The following FOXP1 variants were observed in gnomAD, a reference collection of about 807,000 sequenced individuals.
The protein encoded by FOXP1 is forkhead box P1, also known as forkhead box protein P1.
A neutral mutation model predicts 98.2 loss-of-function variants in FOXP1; 15 were observed. That is an observed-to-expected ratio of 0.15 (90% CI 0.10 to 0.24). The LOEUF is 0.24. FOXP1 is among the 10% of genes least tolerant of loss of function. The pLI is 1.00. For synonymous variants in FOXP1, 371 were observed against 314.5 expected (o/e 1.18, Z -1.90); for missense variants, 633 against 848.5 (o/e 0.75, Z 3.15).
intron 5 of FOXP1, among the ~76,000 whole-genome samples, chr3:71,202,420 A>G (rs2063734544): frequency 6.6e-6 from 1 of 152,218 alleles, no homozygotes. Context: ...CATTTCTAAC[A>G]GTGTCTGGGC....
intron 3 of FOXP1, among the ~76,000 whole-genome samples, chr3:71,479,937 C>T (rs1341352402): frequency 3.9e-5 from 6 of 152,178 alleles, no homozygotes; most frequent in Non-Finnish European, 8.8e-5. Flanking sequence ...GTGGCTCACG[C>T]CTGTAATCCC....
At chr3:70,976,881 A>AACAACAAACTGTTCTAT in intron 17 of FOXP1, 60 bp downstream of exon 17, 2 of 1,257,136 alleles carry the variant, frequency 1.6e-6, no homozygotes, top group Admixed American at 1.7e-5. Flanking sequence ...GCATTTTATC[A>AACAACAAACTGTTCTAT]ACAACAAACT....
chr3:71,059,539 A>G (rs2051179700), intron 7 of FOXP1, among the ~76,000 whole-genome samples: 1 of 152,206 alleles, frequency 6.6e-6, no homozygotes, highest in Admixed American at 6.5e-5. Context: ...GAAACAATGG[A>G]AGCTACACAT....
chr3:71,353,671 A>G (rs2077950668), intron 4 of FOXP1, among the ~76,000 whole-genome samples: 2 of 152,216 alleles, frequency 1.3e-5, no homozygotes, highest in Admixed American at 1.3e-4. Context: ...AGATAACCCT[A>G]GTTACTCCAT....
At chr3:71,582,114 T>C in intron 1 of FOXP1, 1 of 867,714 alleles carries the variant, frequency 1.2e-6, no homozygotes, top group African/African-American at 2.7e-5. Flanking sequence ...AGCAAACACA[T>C]GGGAGGGGGG....
intron 2 of FOXP1, among the ~76,000 whole-genome samples, chr3:71,545,512 T>C (rs541963392): frequency 1.1e-4 from 16 of 152,352 alleles, no homozygotes; most frequent in Middle Eastern, 3.4e-3. Flanking sequence ...GGGTTTTGTT[T>C]GTTTTTAAAA....
At chr3:71,425,030 A>G (rs148997637) in intron 3 of FOXP1, among the ~76,000 whole-genome samples, 1 of 152,368 alleles carries the variant, frequency 6.6e-6, no homozygotes, top group African/African-American at 2.4e-5. Context: ...ATTTGTATTC[A>G]TATACTGGAA....
chr3:71,034,146 G>A (rs967478605), intron 11 of FOXP1, among the ~76,000 whole-genome samples: 3 of 152,274 alleles, frequency 2.0e-5, no homozygotes, highest in Non-Finnish European at 2.9e-5. Context: ...AAAAGATGAG[G>A]TGGGTGCAAA....
intron 7 of FOXP1, among the ~76,000 whole-genome samples, chr3:71,055,763 G>A (rs1004858016): frequency 1.3e-5 from 2 of 152,184 alleles, no homozygotes; most frequent in Admixed American, 6.5e-5. Context: ...TTTTCCTTGA[G>A]AGTTGCATCA....
intron 11 of FOXP1, among the ~76,000 whole-genome samples, chr3:71,024,668 AC>A: frequency 6.6e-6 from 1 of 152,202 alleles, no homozygotes; most frequent in East Asian, 1.9e-4. Flanking sequence ...CCCATGTGAT[AC>A]GATATTCATG....
At chr3:71,176,920 G>A (rs1322842579) in intron 6 of FOXP1, among the ~76,000 whole-genome samples, 2 of 151,884 alleles carry the variant, frequency 1.3e-5, no homozygotes, top group Admixed American at 6.6e-5. Context: ...AAAATTAGCC[G>A]GGTGTGGTGG....
chr3:70,987,189 T>C (rs2039887855), intron 14 of FOXP1, among the ~76,000 whole-genome samples: 1 of 151,988 alleles, frequency 6.6e-6, no homozygotes, highest in African/African-American at 2.4e-5. Context: ...TTTTGAATAA[T>C]CAGTTAAAGC....
chr3:71,332,107 G>A (rs2076360000), intron 4 of FOXP1: 1 of 152,282 alleles, frequency 6.6e-6, no homozygotes, highest in Non-Finnish European at 1.5e-5. Context: ...CCATACTGTG[G>A]AAGCTTTGTT....
chr3:70,961,078 C>G (rs949849784), intron 20 of FOXP1, among the ~76,000 whole-genome samples: 8 of 151,886 alleles, frequency 5.3e-5, no homozygotes, highest in African/African-American at 1.9e-4. Context: ...GTGATCCGCC[C>G]GCCTTGGCCT....
At chr3:71,577,930 T>G (rs2047856466) in intron 2 of FOXP1, among the ~76,000 whole-genome samples, 1 of 152,148 alleles carries the variant, frequency 6.6e-6, no homozygotes, top group South Asian at 2.1e-4. Flanking sequence ...TTATATACTC[T>G]AGATTCAAAA....
At chr3:71,413,101 G>C in intron 3 of FOXP1, among the ~76,000 whole-genome samples, 1 of 151,048 alleles carries the variant, frequency 6.6e-6, no homozygotes. Flanking sequence ...ACAGCCAACC[G>C]GCTATTCAGC....
intron 3 of FOXP1, among the ~76,000 whole-genome samples, chr3:71,419,195 A>T (rs1336974576): frequency 7.6e-6 from 1 of 131,832 alleles, no homozygotes; most frequent in African/African-American, 2.9e-5. Flanking sequence ...TGATTGCACT[A>T]CTGCACTCCA....
intron 4 of FOXP1, among the ~76,000 whole-genome samples, chr3:71,331,818 C>A (rs1560319748): frequency 6.6e-6 from 1 of 152,202 alleles, no homozygotes; most frequent in South Asian, 2.1e-4. Context: ...TGTCAACACA[C>A]CAATCAGCAC....
At chr3:71,123,554 G>C (rs1281707424) in intron 6 of FOXP1, among the ~76,000 whole-genome samples, 3 of 152,166 alleles carry the variant, frequency 2.0e-5, no homozygotes, top group Admixed American at 2.0e-4. Flanking sequence ...GCAGAGCTAA[G>C]AGAGTACAGG....
Sources: gnomAD v4.1 joint callset for allele counts (sites outside exome capture counted in the v4.1 genomes callset) on GRCh38, gnomAD v4.1.1 for gene constraint, MANE v1.5 for transcripts, NCBI Gene and HGNC (gene_info 2026-07-23, HGNC 2026-07-21) for gene names.